Variants in MCM5 observed in about 807,000 individuals in gnomAD.
MCM5 encodes the protein minichromosome maintenance complex component 5.
A neutral mutation model predicts 79.9 loss-of-function variants in MCM5; 46 were observed. The ratio of observed to expected loss-of-function variants is 0.58; its 90% CI spans 0.45 to 0.74. The LOEUF is 0.74. Ranked by LOEUF, MCM5 falls within the 30% of genes least tolerant of loss-of-function variation. The pLI is 0.00. For synonymous variants in MCM5, 404 were observed against 390.5 expected (o/e 1.03, Z -0.41); for missense variants, 883 against 1,017.0 (o/e 0.87, Z 1.79).
chr22:35,425,795 C>G (rs926336643), downstream of MCM5, among the ~76,000 whole-genome samples: 3 of 152,000 alleles, frequency 2.0e-5, no homozygotes, highest in African/African-American at 7.2e-5. Context: ...TCATGAGGTT[C>G]ACCCTGCAGT....
chr22:35,413,822 C>T lies in MCM5; in HGVS notation c.1092-53C>T, dbSNP rs957403569. 9.7e-6 allele frequency: 10 copies of T among 1,026,550 alleles called. No individual in the cohort carries two copies. In the African/African-American group the frequency reaches 1.6e-4, roughly 16 times the overall value. 63.6% of individuals were successfully genotyped at this position (1,026,550 alleles called of 1,614,324 possible). A position where few individuals can be genotyped will look rare whatever the true frequency, so the allele number is the denominator to read the frequency against. ...CCACCAATCTGGTGACTGGATGTCA[C>T]ATGCGATGCCCTCATGGATTCTCAC... On this transcript the variant is annotated intron_variant, in intron 8 of 16. Transcript: ENST00000216122.
chr22:35,451,330 C>G, the MCM5 span, among the ~76,000 whole-genome samples: 1 of 152,270 alleles, frequency 6.6e-6, no homozygotes, highest in Non-Finnish European at 1.5e-5. Context: ...ACATTTAAGT[C>G]AAACTTTGCG....
In MCM5 at chr22:35,417,804, G is replaced by A; in HGVS notation, c.1651G>A (p.Glu551Lys). The A allele has an allele frequency of 6.2e-7, 1 of 1,614,214 alleles. No individual in the cohort carries two copies. The highest frequency in any genetic ancestry group is 8.5e-7 in the Non-Finnish European group (1 of 1,180,020). ...VSALTQTQAV[E>K]GEIDLAKLKK... Reference sequence around the variant, plus strand: ...CGCACTGACACAGACACAGGCTGTGGAGGGCGAGATTGACCTGGCCAAGCT... The same window carrying A: ...CGCACTGACACAGACACAGGCTGTGAAGGGCGAGATTGACCTGGCCAAGCT... The change falls in exon 13 of 17, where the codon GAG (glutamate) becomes AAG (lysine). Residue 551 changes from glutamate (E) to lysine (K), a missense_variant. By Grantham distance (56) the Glu-to-Lys change is moderately conservative. Around this residue, in one of 3 missense-constraint regions of MCM5, gnomAD observed 426 missense variants for 482.3 expected, o/e 0.88. Transcript: ENST00000216122.
rs775061429 is a variant in MCM5 at position 35,423,356 on chromosome 22, G to C, written c.2103+15G>C. 9.5e-6 allele frequency: 15 copies of C among 1,582,608 alleles called. No homozygotes were observed. The highest frequency in any genetic ancestry group is 1.3e-5 in the Non-Finnish European group (15 of 1,158,856). ...TCACCAAGCAGGTGAGCCTGCCTTGGAGTGGGGGTGTGAGCCGGCACGGGG... is the reference window on the plus strand; with the variant it reads ...TCACCAAGCAGGTGAGCCTGCCTTGCAGTGGGGGTGTGAGCCGGCACGGGG... On this transcript the variant is annotated intron_variant, in intron 16 of 16. Transcript: ENST00000216122.
At chr22:35,421,620 T>G (rs1932698649) in intron 15 of MCM5, 160 bp downstream of exon 15, 1 of 906,740 alleles carries the variant, frequency 1.1e-6, no homozygotes, top group Non-Finnish European at 1.8e-6. Flanking sequence ...ACCCCTCTCC[T>G]CCTTTCTCCC....
the MCM5 span, among the ~76,000 whole-genome samples, chr22:35,445,244 C>T: frequency 1.3e-5 from 2 of 151,726 alleles, no homozygotes; most frequent in Non-Finnish European, 2.9e-5. Flanking sequence ...CTGACACGGA[C>T]CCTGGCATGT....
chr22:35,431,697 C>A, the MCM5 span, among the ~76,000 whole-genome samples: 2 of 152,106 alleles, frequency 1.3e-5, no homozygotes, highest in Non-Finnish European at 2.9e-5. Flanking sequence ...CACTGCCATC[C>A]CTGTCAAACT....
chr22:35,418,962 T>C (rs1932622132), intron 13 of MCM5, among the ~76,000 whole-genome samples: 1 of 152,182 alleles, frequency 6.6e-6, no homozygotes, highest in African/African-American at 2.4e-5. Flanking sequence ...ACCACAGTGC[T>C]TCGATTCTTG....
At chr22:35,438,579 C>CCATCCATCCATCCATCCATG in the MCM5 span, among the ~76,000 whole-genome samples, 1 of 145,470 alleles carries the variant, frequency 6.9e-6, no homozygotes, top group Non-Finnish European at 1.5e-5. Context: ...ATCCATCCAT[C>CCATCCATCCATCCATCCATG]CATCCATCCA....
Position 35,406,542 on chromosome 22 carries a change from C to T in MCM5, c.424-11C>T, listed in dbSNP as rs745796722. The T allele has an allele frequency of 3.1e-6, 5 of 1,611,134 alleles. No homozygotes were observed. The Admixed American group carries it at 5.0e-5, about 16-fold the overall frequency. ...CCTTAACCAACAAGCTTCCCGATGG[C>T]TCTATTACAGTCGGACATGATGTCA... On this transcript the variant is annotated splice_polypyrimidine_tract_variant and intron_variant, in intron 4 of 16. Coordinates refer to ENST00000216122, the MANE Select transcript of MCM5 (RefSeq NM_006739.4).
chr22:35,419,473 T>C (rs1200465522), intron 13 of MCM5, among the ~76,000 whole-genome samples: 8 of 152,130 alleles, frequency 5.3e-5, no homozygotes, highest in Admixed American at 5.2e-4. Context: ...TCAGATGTGT[T>C]GGGTGGAGGA....
At chr22:35,440,228 A>G in the MCM5 span, among the ~76,000 whole-genome samples, 1 of 152,230 alleles carries the variant, frequency 6.6e-6, no homozygotes, top group Non-Finnish European at 1.5e-5. Context: ...ATAATGAGAA[A>G]CAGGGACTTG....
chr22:35,407,629 G>A (rs1932256068), intron 5 of MCM5, among the ~76,000 whole-genome samples: 1 of 152,210 alleles, frequency 6.6e-6, no homozygotes, highest in Non-Finnish European at 1.5e-5. Context: ...TGTTCCTCAA[G>A]CTACCATAGT....
At chr22:35,438,549 AC>A in the MCM5 span, among the ~76,000 whole-genome samples, 1 of 139,112 alleles carries the variant, frequency 7.2e-6, no homozygotes, top group Non-Finnish European at 1.5e-5. Flanking sequence ...CCATCCATCC[AC>A]TCACATATTC....
chr22:35,410,459 T>C (rs1932345181), intron 6 of MCM5: 1 of 399,980 alleles, frequency 2.5e-6, no homozygotes, highest in Non-Finnish European at 4.8e-6. Context: ...TAAACCAGCG[T>C]ACAAATGAGT....
chr22:35,438,799 C>T, the MCM5 span, among the ~76,000 whole-genome samples: 10 of 149,580 alleles, frequency 6.7e-5, no homozygotes, highest in Non-Finnish European at 1.2e-4. Flanking sequence ...ATCCATCCAT[C>T]CATCCATCCA....
intron 1 of MCM5, 22 bp from the exon 2 acceptor site, chr22:35,400,409 T>G (rs745307735): frequency 1.2e-6 from 2 of 1,613,866 alleles, no homozygotes; most frequent in Admixed American, 3.3e-5. Flanking sequence ...CAGCCTGTTC[T>G]GGCCGTTTGT....
the MCM5 span, among the ~76,000 whole-genome samples, chr22:35,431,333 C>T: frequency 6.6e-6 from 1 of 152,178 alleles, no homozygotes; most frequent in African/African-American, 2.4e-5. Flanking sequence ...GGGTCCAAAC[C>T]CACGGATGCC....
intron 5 of MCM5, among the ~76,000 whole-genome samples, chr22:35,407,938 A>G (rs1159581874): frequency 6.6e-6 from 1 of 152,192 alleles, no homozygotes; most frequent in Non-Finnish European, 1.5e-5. Flanking sequence ...TATGATGTTT[A>G]CTTCTTTATG....
Sources: gnomAD v4.1 joint callset for allele counts (sites outside exome capture counted in the v4.1 genomes callset) on GRCh38, gnomAD v4.1.1 for gene constraint, gnomAD v4.1.1 regional missense constraint, MANE v1.5 for transcripts, NCBI Gene and HGNC (gene_info 2026-07-23, HGNC 2026-07-21) for gene names.